The following TSPAN15 variants were observed in gnomAD, a reference collection of about 807,000 sequenced individuals.
TSPAN15 encodes tetraspanin-15.
Under a neutral mutation model 34.5 loss-of-function variants are expected in TSPAN15, and 20 were observed. The ratio of observed to expected loss-of-function variants is 0.58; its 90% CI spans 0.41 to 0.84. TSPAN15 has a LOEUF of 0.84. TSPAN15 is among the 40% of genes least tolerant of loss of function. The pLI, the probability that TSPAN15 is intolerant of heterozygous loss-of-function variation, is 0.00. For synonymous variants in TSPAN15, 155 were observed against 153.9 expected (o/e 1.01, Z -0.05); for missense variants, 313 against 386.1 (o/e 0.81, Z 1.59).
chr10:69,518,807 T>C, the TSPAN15 span, among the ~76,000 whole-genome samples: 1 of 152,154 alleles, frequency 6.6e-6, no homozygotes, highest in African/African-American at 2.4e-5. Context: ...ATGTCTTCAA[T>C]GCTTATAGAG....
At chr10:69,485,399 A>G (rs985876412) in intron 3 of TSPAN15, among the ~76,000 whole-genome samples, 184 bp downstream of exon 3, 3 of 152,186 alleles carry the variant, frequency 2.0e-5, no homozygotes, top group African/African-American at 7.2e-5. Context: ...CCAAGCTGAC[A>G]TGAGAGCGCC....
chr10:69,536,235 G>A, the TSPAN15 span, among the ~76,000 whole-genome samples: 1 of 152,226 alleles, frequency 6.6e-6, no homozygotes, highest in Non-Finnish European at 1.5e-5. Flanking sequence ...TAGTGAATTA[G>A]AGCATGTTAA....
At chr10:69,462,548 G>T (rs1371927209) in intron 1 of TSPAN15, among the ~76,000 whole-genome samples, 1 of 151,102 alleles carries the variant, frequency 6.6e-6, no homozygotes, top group Non-Finnish European at 1.5e-5. Context: ...TGTTAGCCAG[G>T]ATGGTCTTGA....
intron 3 of TSPAN15, among the ~76,000 whole-genome samples, chr10:69,492,602 G>A (rs1841992203): frequency 6.6e-6 from 1 of 152,214 alleles, no homozygotes; most frequent in Non-Finnish European, 1.5e-5. Context: ...AATTTTTCCA[G>A]GCCCCTCTCG....
At position 69,498,333 on chromosome 10, in the gene TSPAN15, C is replaced by T. The variant is rs754551473; in HGVS notation, c.507C>T (p.His169=). 16 of 1,613,972 alleles carry T rather than the reference C, an allele frequency of 9.9e-6. No individual in the cohort carries two copies. The highest frequency in any genetic ancestry group is 8.3e-5 in the Admixed American group (5 of 60,020). Residue 169 remains histidine, a synonymous_variant, in exon 5 of 8, where the codon CAC becomes CAT. Transcript: ENST00000373290. ...GAGATTGGAGCAAGAATCAGTACCACGACTGCAGTGCCCCTGGACCCCTGG... is the reference window on the plus strand; with the variant it reads ...GAGATTGGAGCAAGAATCAGTACCATGACTGCAGTGCCCCTGGACCCCTGG... The part of the protein sequence containing the change: ...DYRDWSKNQY[H]DCSAPGPLAC...
chr10:69,546,482 A>G, the TSPAN15 span, among the ~76,000 whole-genome samples: 6 of 152,184 alleles, frequency 3.9e-5, no homozygotes, highest in Non-Finnish European at 8.8e-5. Flanking sequence ...ACTCAACTCA[A>G]AAACACAAGA....
chr10:69,498,407 C>T lies in TSPAN15; in HGVS notation c.570+11C>T, dbSNP rs894594026. 2 of 1,606,744 alleles carry T rather than the reference C, an allele frequency of 1.2e-6. No individual in the cohort carries two copies. ...TGCATCAGGAACACGGTAGACACTG[C>T]TCCTGTGGGGACTGGGGGGCTGTCG... On this transcript the variant is annotated intron_variant, in intron 5 of 7. Coordinates refer to ENST00000373290, the MANE Select transcript of TSPAN15 (RefSeq NM_012339.5).
chr10:69,541,668 C>T, the TSPAN15 span, among the ~76,000 whole-genome samples: 10 of 152,258 alleles, frequency 6.6e-5, no homozygotes, highest in Non-Finnish European at 1.3e-4. Flanking sequence ...CGTTTCCATA[C>T]ATTGTCTGAA....
Position 69,507,452 on chromosome 10 carries a change from C to CTT in TSPAN15, c.*475_*476dup. 1 of 1,298,160 alleles carries CTT rather than the reference C, an allele frequency of 7.7e-7. No individual in the cohort carries two copies. Among genetic ancestry groups the CTT allele is most frequent in the South Asian group, 1.3e-5 (1 of 79,924 alleles). The allele number at this position is 1,298,160 out of a possible 1,614,324, so 80.4% of individuals were successfully genotyped here. A position where few individuals can be genotyped will look rare whatever the true frequency, so the allele number is the denominator to read the frequency against. ...GCCACGCCCATGGCCAGGTTGGCCT[C>CTT]TTCTCAGCCTCCCAGGTGCCTTGAG... is the stretch of plus-strand genomic sequence containing the variant. On this transcript the variant is annotated 3_prime_UTR_variant, in exon 8 of 8. Transcript: ENST00000373290.
chr10:69,506,937 G>C lies in TSPAN15; in HGVS notation c.844G>C (p.Glu282Gln). ...GGGGCCCGGTGCCAAGCCCAGCGTG[G>C]AGGCGGCAGGCACGGGATGCTGCTT... ...LLGPGAKPSV[E>Q]AAGTGCCLCY... Residue 282 changes from glutamate (E) to glutamine (Q), a missense_variant, in exon 8 of 8, where the codon GAG becomes CAG. Coordinates refer to ENST00000373290, the MANE Select transcript of TSPAN15 (RefSeq NM_012339.5). The surrounding 1 kb of genome is among the most constrained non-coding windows in gnomAD (Gnocchi z 4.7). 1 of 1,610,208 alleles carries C rather than the reference G, an allele frequency of 6.2e-7. No homozygotes were observed. Among genetic ancestry groups the C allele is most frequent in the East Asian group, 2.2e-5 (1 of 44,780 alleles).
chr10:69,485,064 AGCAGATGGT>A, intron 2 of TSPAN15, 68 bp from the exon 3 acceptor site: 1 of 1,370,466 alleles, frequency 7.3e-7, no homozygotes, highest in South Asian at 1.2e-5. Flanking sequence ...TTGCTCTTGG[AGCAGATGGT>A]GCCTCCCCTG....
chr10:69,491,109 G>T (rs1246966724), intron 3 of TSPAN15, among the ~76,000 whole-genome samples: 1 of 152,220 alleles, frequency 6.6e-6, no homozygotes, highest in Non-Finnish European at 1.5e-5. Flanking sequence ...AGATGAACCT[G>T]TGACCCTGGC....
intron 1 of TSPAN15, among the ~76,000 whole-genome samples, chr10:69,455,206 C>A (rs1354683244): frequency 6.6e-6 from 1 of 151,542 alleles, no homozygotes; most frequent in African/African-American, 2.4e-5. Flanking sequence ...TCCCCTCCTA[C>A]CCCTCTCTCC....
chr10:69,525,164 T>C, the TSPAN15 span, among the ~76,000 whole-genome samples: 1 of 147,206 alleles, frequency 6.8e-6, no homozygotes, highest in Non-Finnish European at 1.5e-5. Flanking sequence ...GTGATTCTCC[T>C]ACCTCAGCCT....
At chr10:69,465,739 G>A (rs1473701965) in intron 1 of TSPAN15, among the ~76,000 whole-genome samples, 1 of 152,218 alleles carries the variant, frequency 6.6e-6, no homozygotes, top group Non-Finnish European at 1.5e-5. Flanking sequence ...TCCTGGCCTA[G>A]ATGTTTGTTC....
chr10:69,522,375 CA>C, the TSPAN15 span, among the ~76,000 whole-genome samples: 3,763 of 48,578 alleles, frequency 0.077, 46 homozygotes, highest in South Asian at 0.095. Context: ...GACCTTGTCT[CA>C]AAAAAAAAAA....
intron 1 of TSPAN15, among the ~76,000 whole-genome samples, chr10:69,466,021 C>A (rs1330742273): frequency 6.6e-6 from 1 of 152,212 alleles, no homozygotes. Flanking sequence ...GGCCGGTTGC[C>A]ACCTTGTGTG....
intron 5 of TSPAN15, among the ~76,000 whole-genome samples, chr10:69,498,950 A>G (rs1196269499): frequency 1.3e-5 from 2 of 152,164 alleles, no homozygotes; most frequent in African/African-American, 4.8e-5. Flanking sequence ...CACCTTGGGC[A>G]TCTCCATTGG....
rs116210590 is a variant in TSPAN15, at chr10:69,462,957, G to T, written c.96+11267G>T. On this transcript the variant is annotated intron_variant, in intron 1 of 7. Transcript: ENST00000373290. ...GGCGAGGAAGGGCTGGTGGAGGTAT[G>T]TGGAGACCACTGGCCTGGGAATGTG... Among the ~76,000 whole-genome samples, 699 of 152,346 alleles carry T rather than the reference G, an allele frequency of 4.6e-3. 10 individuals are homozygous for T. The highest frequency in any genetic ancestry group is 0.016 in the African/African-American group (675 of 41,580).
Sources: allele counts gnomAD v4.1 joint callset (sites outside exome capture counted in the v4.1 genomes callset), GRCh38; gene constraint gnomAD v4.1.1; non-coding constraint Gnocchi (gnomAD v3.1); transcripts MANE v1.5; gene names NCBI Gene and HGNC (gene_info 2026-07-23, HGNC 2026-07-21).